PARP8: variants seen among roughly 807,000 people sequenced by gnomAD.
The protein encoded by PARP8 is poly(ADP-ribose) polymerase family member 8, also known as protein mono-ADP-ribosyltransferase PARP8.
Under a neutral mutation model 124.1 loss-of-function variants are expected in PARP8, and 51 were observed. That is an observed-to-expected ratio of 0.41 (90% CI 0.33 to 0.52). PARP8 has a LOEUF of 0.52. Among genes scored for constraint, PARP8 ranks in the 20% least tolerant of loss-of-function variants. The probability of loss-of-function intolerance (pLI) is 0.21; values close to 1 mark genes in which losing one functional copy is unlikely to be tolerated. For synonymous variants in PARP8, 391 were observed against 361.5 expected, an observed-to-expected ratio of 1.08 and a Z score of -0.93; for missense variants, 860 against 1,018.9, an observed-to-expected ratio of 0.84 and a Z score of 2.12.
intron 2 of PARP8, among the ~76,000 whole-genome samples, chr5:50,705,969 G>A (rs1312268555): frequency 6.6e-6 from 1 of 152,122 alleles, no homozygotes; most frequent in African/African-American, 2.4e-5. Context: ...GAGAATCTTT[G>A]TATCTCCTTG....
At chr5:50,812,894 A>G (rs1279970730) in intron 14 of PARP8, among the ~76,000 whole-genome samples, 3 of 152,156 alleles carry the variant, frequency 2.0e-5, no homozygotes, top group Non-Finnish European at 2.9e-5. Flanking sequence ...GTCAAAGATC[A>G]GATGGTTGTA....
intron 14 of PARP8, among the ~76,000 whole-genome samples, chr5:50,798,741 G>A (rs1028100475): frequency 1.3e-5 from 2 of 152,072 alleles, no homozygotes; most frequent in Non-Finnish European, 2.9e-5. Flanking sequence ...GCACCCGGCC[G>A]AAGCAGTTTC....
chr5:50,801,738 T>C (rs1161546673), intron 14 of PARP8, among the ~76,000 whole-genome samples: 3 of 152,250 alleles, frequency 2.0e-5, no homozygotes, highest in East Asian at 3.8e-4. Flanking sequence ...TGACTATTAT[T>C]GTTGAATTGT....
At chr5:50,699,764 C>A (rs894936446) in intron 2 of PARP8, among the ~76,000 whole-genome samples, 1 of 152,062 alleles carries the variant, frequency 6.6e-6, no homozygotes, top group Non-Finnish European at 1.5e-5. Flanking sequence ...ATGGGATGGA[C>A]ATATTTTTAA....
intron 2 of PARP8, among the ~76,000 whole-genome samples, chr5:50,698,894 G>C (rs1360815693): frequency 6.6e-6 from 1 of 152,152 alleles, no homozygotes; most frequent in African/African-American, 2.4e-5. Context: ...ATGTATTCAA[G>C]ACCTGTTTCC....
In PARP8 at chr5:50,709,953, TATAC is replaced by T. The variant is rs1341944017; in HGVS notation, c.147-40196_147-40193del. ...ATATATATATATATATATATATATATATACACATACATATATACACACACACACA... is the reference window on the plus strand; with the variant it reads ...ATATATATATATATATATATATATATACATACATATATACACACACACACA... On this transcript the variant is annotated intron_variant, in intron 2 of 25. Transcript: ENST00000281631. Among the ~76,000 whole-genome samples the T allele has an allele frequency of 5.3e-5, 4 of 75,020 alleles. No homozygotes were observed. In the Admixed American group the frequency reaches 6.2e-4, roughly 12 times the overall value. 49.2% of individuals were successfully genotyped at this position (75,020 alleles called of 152,430 possible). A position where few individuals can be genotyped will look rare whatever the true frequency, so the allele number is the denominator to read the frequency against.
chr5:50,838,596 A>C (rs1374025217), intron 25 of PARP8, among the ~76,000 whole-genome samples: 2 of 152,064 alleles, frequency 1.3e-5, no homozygotes, highest in Admixed American at 1.3e-4. Context: ...AAATTCTAAG[A>C]TCATACTATT....
At chr5:50,719,329 G>T (rs1038739490) in intron 2 of PARP8, among the ~76,000 whole-genome samples, 6 of 151,828 alleles carry the variant, frequency 4.0e-5, no homozygotes, top group African/African-American at 1.5e-4. Context: ...TTTGTAGCTT[G>T]ATATAATCCC....
intron 2 of PARP8, among the ~76,000 whole-genome samples, chr5:50,724,815 T>C (rs867859924): frequency 2.0e-5 from 3 of 151,768 alleles, no homozygotes; most frequent in Non-Finnish European, 4.4e-5. Context: ...GTAGTGTACA[T>C]TGTACCTACT....
At chr5:50,838,705 C>T (rs529396763) in intron 25 of PARP8, among the ~76,000 whole-genome samples, 5 of 152,094 alleles carry the variant, frequency 3.3e-5, no homozygotes, top group South Asian at 4.2e-4. Context: ...CATATAGAGT[C>T]GCTTCTACCT....
At chr5:50,725,978 A>G (rs1179511476) in intron 2 of PARP8, among the ~76,000 whole-genome samples, 2 of 152,018 alleles carry the variant, frequency 1.3e-5, no homozygotes, top group African/African-American at 4.8e-5. Flanking sequence ...GTAGAGCCTG[A>G]GCTGTTTATG....
At chr5:50,733,206 A>G (rs1264760840) in intron 2 of PARP8, among the ~76,000 whole-genome samples, 3 of 151,696 alleles carry the variant, frequency 2.0e-5, no homozygotes, top group Admixed American at 6.6e-5. Context: ...CAGCAGGGGA[A>G]TTGCTTGAAC....
intron 2 of PARP8, among the ~76,000 whole-genome samples, chr5:50,726,187 A>T (rs1320357963): frequency 6.6e-6 from 1 of 151,812 alleles, no homozygotes; most frequent in African/African-American, 2.4e-5. Flanking sequence ...CTTCACTTTA[A>T]TTCCCTTAGT....
At chr5:50,791,962 T>C (rs77300616) in intron 10 of PARP8, among the ~76,000 whole-genome samples, 2,334 of 152,258 alleles carry the variant, frequency 0.015, 63 homozygotes, top group African/African-American at 0.054. Flanking sequence ...ACAATTAGAA[T>C]ATAATACTGA....
At chr5:50,720,544 A>T (rs1302088930) in intron 2 of PARP8, among the ~76,000 whole-genome samples, 2 of 152,014 alleles carry the variant, frequency 1.3e-5, no homozygotes, top group East Asian at 3.9e-4. Context: ...TGCCTCTGAA[A>T]GGAAGATCCC....
In PARP8 at chr5:50,697,167, A is replaced by T. The variant is rs1330138357; in HGVS notation, c.146+29042A>T. Reference sequence around the variant, plus strand: ...GCTACTCAGGAGGCTGAGGCAGGAGAATCGCTTGAACCAGGGAGTTGGAGG... The same window carrying T: ...GCTACTCAGGAGGCTGAGGCAGGAGTATCGCTTGAACCAGGGAGTTGGAGG... On this transcript the variant is annotated intron_variant, in intron 2 of 25. Transcript: ENST00000281631. Among the ~76,000 whole-genome samples the T allele has an allele frequency of 3.9e-5, 6 of 152,176 alleles. No homozygotes were observed. The East Asian group carries it at 1.2e-3, about 29-fold the overall frequency.
At chr5:50,819,536 G>T (rs1745520915) in intron 15 of PARP8, among the ~76,000 whole-genome samples, 1 of 144,924 alleles carries the variant, frequency 6.9e-6, no homozygotes, top group Admixed American at 7.1e-5. Flanking sequence ...CAGCTCCCGG[G>T]TTCAAGCAGT....
At chr5:50,688,873 G>T (rs1342308787) in intron 2 of PARP8, among the ~76,000 whole-genome samples, 1 of 152,022 alleles carries the variant, frequency 6.6e-6, no homozygotes, top group East Asian at 1.9e-4. Context: ...ATGTATTATT[G>T]GTTGAGCGGT....
rs1561331831 is a variant in PARP8 at position 50,754,178 on chromosome 5, CACATATAT to C, written c.184+3992_184+3999del. On this transcript the variant is annotated intron_variant, in intron 3 of 25. Coordinates refer to ENST00000281631, the MANE Select transcript of PARP8 (RefSeq NM_024615.4). ...ACACACACACACACACACACACACA[CACATATAT>C]ATATATTTTATTATACTTTAAGTTC... is the stretch of plus-strand genomic sequence containing the variant. Among the ~76,000 whole-genome samples, 3 of 32,358 alleles carry C rather than the reference CACATATAT, an allele frequency of 9.3e-5. 1 individual carries two copies. Among genetic ancestry groups the C allele is most frequent in the African/African-American group, 2.4e-4 (3 of 12,734 alleles). The allele number at this position is 32,358 out of a possible 152,430, so 21.2% of individuals were successfully genotyped here. A position where few individuals can be genotyped will look rare whatever the true frequency, so the allele number is the denominator to read the frequency against.
Sources: gnomAD v4.1 joint callset for allele counts (sites outside exome capture counted in the v4.1 genomes callset) on GRCh38, gnomAD v4.1.1 for gene constraint, MANE v1.5 for transcripts, NCBI Gene and HGNC (gene_info 2026-07-23, HGNC 2026-07-21) for gene names.